Variants in MAP7D2 observed in about 807,000 individuals in gnomAD.
MAP7D2 encodes the protein MAP7 domain-containing protein 2.
MAP7D2 carries 33 observed loss-of-function variants against 63.5 expected under a neutral mutation model. That is an observed-to-expected ratio of 0.52 (90% confidence interval 0.39 to 0.70). The LOEUF is 0.70. Among genes scored for constraint, MAP7D2 ranks in the 30% least tolerant of loss-of-function variants. The pLI, the probability that MAP7D2 is intolerant of heterozygous loss-of-function variation, is 0.00. For missense variants in MAP7D2, 626 were observed against 604.0 expected, an observed-to-expected ratio of 1.04 and a Z score of -0.38; for synonymous variants, 224 against 223.7, an observed-to-expected ratio of 1.00 and a Z score of -0.01.
chrX:20,075,624 G>T (rs1023192976), intron 1 of MAP7D2, among the ~76,000 whole-genome samples: 4 of 111,281 alleles, frequency 3.6e-5, no homozygotes, highest in African/African-American at 1.3e-4. Flanking sequence ...AAATAATACT[G>T]GGAGCCAGAG....
chrX:20,107,243 G>C (rs1170246636), intron 1 of MAP7D2, among the ~76,000 whole-genome samples: 5 of 110,835 alleles, frequency 4.5e-5, no homozygotes, highest in Admixed American at 1.9e-4. Context: ...TTTAGGGAAG[G>C]AAAGTGTGGT....
chrX:20,086,609 A>C (rs1466676561), intron 1 of MAP7D2, among the ~76,000 whole-genome samples: 3 of 111,531 alleles, frequency 2.7e-5, no homozygotes, highest in Non-Finnish European at 5.6e-5. Flanking sequence ...GGGAAAAGCC[A>C]TAAGTTTAGT....
chrX:20,031,929 G>A (rs1306120345), intron 8 of MAP7D2, among the ~76,000 whole-genome samples: 3 of 111,720 alleles, frequency 2.7e-5, no homozygotes, highest in South Asian at 3.7e-4. Flanking sequence ...ACTCTCAAAC[G>A]GTTCTGGGAG....
intron 1 of MAP7D2, among the ~76,000 whole-genome samples, chrX:20,094,806 A>T (rs1324848263): frequency 2.9e-5 from 3 of 104,182 alleles, no homozygotes; most frequent in Non-Finnish European, 5.9e-5. Context: ...CAAACTCCTG[A>T]CCTCAACTGA....
At chrX:20,034,630 G>A (rs977722831) in intron 8 of MAP7D2, among the ~76,000 whole-genome samples, 10 of 111,277 alleles carry the variant, frequency 9.0e-5, no homozygotes, top group Non-Finnish European at 1.3e-4. Flanking sequence ...GCTCCCTTGC[G>A]CCCCTTCCAT....
In MAP7D2 at chrX:20,042,600, T is replaced by C; in HGVS notation, c.909A>G (p.Thr303=). Residue 303 remains threonine (T), a synonymous_variant, in exon 8 of 17, where the codon ACA becomes ACG. Transcript: ENST00000379643. The part of the protein sequence containing the change: ...LVEKVKRGQR[T]ATSLPVVNFG... The stretch of plus-strand genomic sequence containing the variant: ...AGTTCACAACAGGAAGAGAAGTTGC[T>C]GTTCGTTGCCCCCGCTTCACCTTCT... The C allele has an allele frequency of 1.7e-6, 2 of 1,211,772 alleles. No individual in the cohort carries two copies. Among genetic ancestry groups the C allele is most frequent in the African/African-American group, 1.7e-5 (1 of 57,824 alleles).
At chrX:20,013,240 G>A in intron 13 of MAP7D2, 108 bp from the exon 14 acceptor site, 1 of 556,626 alleles carries the variant, frequency 1.8e-6, no homozygotes, top group Non-Finnish European at 3.0e-6. Context: ...CCATCTGCCT[G>A]TTCTGTGGTA....
Position 20,024,842 on chromosome X carries a change from A to G in MAP7D2, c.1412+109T>C, listed in dbSNP as rs146730140. ...TAGTTCAGACATTCTAGGTTCCCAT[A>G]CTTCTGTTCAAGTTTTATCAATACC... On this transcript the variant is annotated intron_variant, in intron 10 of 16. Transcript: ENST00000379643. 1,364 of 874,048 alleles carry G rather than the reference A, an allele frequency of 1.6e-3. 25 individuals are homozygous for G. In the East Asian group the frequency reaches 0.038, roughly 25 times the overall value. The allele number at this position is 874,048 out of a possible 1,213,427, so 72.0% of individuals were successfully genotyped here.
chrX:20,061,721 ATT>A (rs945974040), intron 3 of MAP7D2, among the ~76,000 whole-genome samples: 3 of 112,862 alleles, frequency 2.7e-5, no homozygotes, highest in African/African-American at 9.7e-5. Flanking sequence ...GTTCTACTTA[ATT>A]TAACATGCCT....
At chrX:20,033,028 A>G (rs776803928) in intron 8 of MAP7D2, among the ~76,000 whole-genome samples, 1 of 111,679 alleles carries the variant, frequency 9.0e-6, no homozygotes, top group African/African-American at 3.3e-5. Flanking sequence ...CAGGTAGGAA[A>G]ATGGCCCATC....
At chrX:20,091,709 C>T (rs994750900) in intron 1 of MAP7D2, among the ~76,000 whole-genome samples, 8 of 111,383 alleles carry the variant, frequency 7.2e-5, no homozygotes, top group African/African-American at 2.6e-4. Flanking sequence ...AATTCCACAG[C>T]AAGGGCCTGC....
chrX:20,057,901 C>T (rs767496649), intron 3 of MAP7D2, among the ~76,000 whole-genome samples: 5 of 112,397 alleles, frequency 4.4e-5, no homozygotes, highest in African/African-American at 1.6e-4. Context: ...ATATAAAGGT[C>T]ACTTAATAGG....
chrX:20,033,936 T>C (rs1603362186), intron 8 of MAP7D2, among the ~76,000 whole-genome samples: 1 of 111,724 alleles, frequency 9.0e-6, no homozygotes, highest in South Asian at 3.7e-4. Flanking sequence ...TAAAGAATGA[T>C]ATAAATGGCC....
At position 20,094,551 on chromosome X, in the gene MAP7D2, TATATATATATATATATAC is replaced by T. The variant is rs1294560854; in HGVS notation, c.130+22181_130+22198del. ...ATATATATATATATATGTATATATATATATATATATATATATACATATATATGTATATATATATATATT... is the reference window on the plus strand; with the variant it reads ...ATATATATATATATATGTATATATATATATATATGTATATATATATATATT... On this transcript the variant is annotated intron_variant, in intron 1 of 16. Transcript: ENST00000379643. Among the ~76,000 whole-genome samples the T allele has an allele frequency of 9.2e-4, 10 of 10,847 alleles. 2 individuals carry two copies. Among genetic ancestry groups the T allele is most frequent in the Admixed American group, 7.1e-3 (4 of 565 alleles). 9.4% of individuals were successfully genotyped at this position (10,847 alleles called of 115,157 possible).
At chrX:20,027,849 A>G (rs1376041704) in intron 8 of MAP7D2, among the ~76,000 whole-genome samples, 1 of 107,186 alleles carries the variant, frequency 9.3e-6, no homozygotes, top group Admixed American at 1.0e-4. Context: ...CCCAGTAGGT[A>G]AGAGTGGAGC....
At chrX:20,052,133 C>T (rs2064967063) in intron 5 of MAP7D2, among the ~76,000 whole-genome samples, 1 of 112,646 alleles carries the variant, frequency 8.9e-6, no homozygotes, top group Admixed American at 9.4e-5. Context: ...GTGCTAAACA[C>T]TCCACTGGCA....
At chrX:20,018,066 A>G (rs761882315) in intron 10 of MAP7D2, among the ~76,000 whole-genome samples, 14 of 107,307 alleles carry the variant, frequency 1.3e-4, no homozygotes, top group Non-Finnish European at 2.7e-4. Flanking sequence ...TCCCAGGTGC[A>G]AGTGATTCTC....
intron 1 of MAP7D2, among the ~76,000 whole-genome samples, chrX:20,091,799 T>C (rs1264105581): frequency 1.8e-5 from 2 of 112,001 alleles, no homozygotes; most frequent in East Asian, 5.6e-4. Context: ...AACACTGATG[T>C]CTTTTTAACC....
intron 3 of MAP7D2, among the ~76,000 whole-genome samples, chrX:20,057,697 T>C (rs982497731): frequency 9.0e-6 from 1 of 111,493 alleles, no homozygotes; most frequent in Non-Finnish European, 1.9e-5. Flanking sequence ...ATGACACCCT[T>C]TTGCCCTCAT....
Sources: gnomAD v4.1 joint callset for allele counts (sites outside exome capture counted in the v4.1 genomes callset) on GRCh38, gnomAD v4.1.1 for gene constraint, MANE v1.5 for transcripts, NCBI Gene and HGNC (gene_info 2026-07-23, HGNC 2026-07-21) for gene names.